Variants in CTNNA3 observed in about 807,000 individuals in gnomAD.
CTNNA3 encodes the protein catenin alpha 3.
Under a neutral mutation model 95.7 loss-of-function variants are expected in CTNNA3, and 76 were observed. That is an observed-to-expected ratio of 0.79 (90% CI 0.66 to 0.96). The LOEUF is 0.96. Ranked by LOEUF, CTNNA3 falls within the 40% of genes least tolerant of loss-of-function variation. CTNNA3 has a pLI of 0.00. For synonymous variants in CTNNA3, 431 were observed against 374.4 expected, an observed-to-expected ratio of 1.15 and a Z score of -1.74; for missense variants, 1,191 against 1,089.8, an observed-to-expected ratio of 1.09 and a Z score of -1.31.
intron 5 of CTNNA3, among the ~76,000 whole-genome samples, chr10:67,441,798 C>T (rs1008912090): frequency 6.6e-6 from 1 of 151,952 alleles, no homozygotes; most frequent in Admixed American, 6.6e-5. Context: ...ACAAGAAATA[C>T]TAAAGGGATC....
At chr10:67,205,975 A>C (rs1229438239) in intron 6 of CTNNA3, among the ~76,000 whole-genome samples, 2 of 152,186 alleles carry the variant, frequency 1.3e-5, no homozygotes, top group Non-Finnish European at 2.9e-5. Context: ...GAACCTGGAA[A>C]CCATCTCTTT....
chr10:66,621,606 A>G (rs1033375755), intron 10 of CTNNA3, 86 bp downstream of exon 10: 25 of 740,776 alleles, frequency 3.4e-5, no homozygotes, highest in African/African-American at 1.2e-4. Context: ...AAAAAAAAAG[A>G]AAAAAAAATA....
chr10:66,939,308 T>A (rs1037115968), intron 7 of CTNNA3, among the ~76,000 whole-genome samples: 2 of 152,170 alleles, frequency 1.3e-5, no homozygotes, highest in Admixed American at 6.6e-5. Flanking sequence ...TTTCTTTTTC[T>A]CTTTCTCATC....
intron 5 of CTNNA3, among the ~76,000 whole-genome samples, chr10:67,226,716 T>C (rs1162454006): frequency 6.6e-6 from 1 of 152,172 alleles, no homozygotes; most frequent in Non-Finnish European, 1.5e-5. Flanking sequence ...CAACAACTGC[T>C]AATAAGAAGC....
At chr10:66,125,206 C>A (rs1006561128) in intron 13 of CTNNA3, among the ~76,000 whole-genome samples, 2 of 151,998 alleles carry the variant, frequency 1.3e-5, no homozygotes, top group Admixed American at 6.6e-5. Flanking sequence ...AAAATTAAAT[C>A]TTTTTTTCTT....
chr10:66,896,261 A>G (rs890115797), intron 7 of CTNNA3, among the ~76,000 whole-genome samples: 1 of 152,184 alleles, frequency 6.6e-6, no homozygotes, highest in East Asian at 1.9e-4. Context: ...ACAACTGAAT[A>G]TATCCTTCCT....
At chr10:67,704,733 T>C (rs2133606326) in intron 1 of CTNNA3, among the ~76,000 whole-genome samples, 1 of 152,126 alleles carries the variant, frequency 6.6e-6, no homozygotes, top group Admixed American at 6.5e-5. Context: ...ACTTCATGTC[T>C]AAAACACCAA....
At chr10:67,013,197 T>C (rs1438501722) in intron 7 of CTNNA3, among the ~76,000 whole-genome samples, 1 of 151,490 alleles carries the variant, frequency 6.6e-6, no homozygotes, top group Non-Finnish European at 1.5e-5. Context: ...CTGACTCAAA[T>C]TCAGATCTGT....
At chr10:67,197,950 T>C (rs1863454000) in intron 6 of CTNNA3, among the ~76,000 whole-genome samples, 1 of 152,138 alleles carries the variant, frequency 6.6e-6, no homozygotes, top group Non-Finnish European at 1.5e-5. Context: ...GAAACTGTAT[T>C]GACTCTAAAG....
upstream of CTNNA3, among the ~76,000 whole-genome samples, chr10:67,700,038 G>T (rs925667337): frequency 2.0e-5 from 3 of 152,262 alleles, no homozygotes; most frequent in African/African-American, 4.8e-5. Context: ...AGCAGTCTGA[G>T]ATCAAACTGC....
chr10:66,867,173 A>C (rs1278924050), intron 7 of CTNNA3, among the ~76,000 whole-genome samples: 3 of 151,964 alleles, frequency 2.0e-5, no homozygotes, highest in Admixed American at 6.6e-5. Context: ...CAGCAGTGTG[A>C]AAACAGAATA....
At chr10:67,726,480 A>C (rs1300548037) in intron 1 of CTNNA3, among the ~76,000 whole-genome samples, 1 of 68,274 alleles carries the variant, frequency 1.5e-5, no homozygotes, top group Non-Finnish European at 2.4e-5. Flanking sequence ...AATATTATAT[A>C]TTATATCATA....
At chr10:67,202,974 A>G (rs1589858013) in intron 6 of CTNNA3, among the ~76,000 whole-genome samples, 1 of 152,306 alleles carries the variant, frequency 6.6e-6, no homozygotes, top group Middle Eastern at 3.4e-3. Context: ...TTTAGTTTAC[A>G]TACCATGTAT....
chr10:66,182,521 C>T (rs2086105245), intron 13 of CTNNA3, among the ~76,000 whole-genome samples: 1 of 152,056 alleles, frequency 6.6e-6, no homozygotes, highest in South Asian at 2.1e-4. Flanking sequence ...TCCCAAAGTG[C>T]TGGGATTACA....
intron 13 of CTNNA3, among the ~76,000 whole-genome samples, chr10:66,198,610 T>C (rs1365603601): frequency 1.3e-5 from 2 of 152,122 alleles, no homozygotes; most frequent in Non-Finnish European, 2.9e-5. Context: ...ATAAAAAATT[T>C]ACCATATTTA....
chr10:67,245,294 T>C (rs1865863501), intron 5 of CTNNA3, among the ~76,000 whole-genome samples: 1 of 152,184 alleles, frequency 6.6e-6, no homozygotes, highest in Admixed American at 6.5e-5. Flanking sequence ...GTCTAAAAGT[T>C]CAATCAACAA....
chr10:66,248,041 G>T (rs911833911), intron 13 of CTNNA3, among the ~76,000 whole-genome samples: 1 of 151,932 alleles, frequency 6.6e-6, no homozygotes, highest in Non-Finnish European at 1.5e-5. Context: ...AATAATAAAG[G>T]ATTACATCTT....
chr10:66,641,633 A>G (rs1227178824), intron 9 of CTNNA3, among the ~76,000 whole-genome samples: 1 of 152,176 alleles, frequency 6.6e-6, no homozygotes. Flanking sequence ...CATATTTAAT[A>G]TGTGCTTACT....
At chr10:67,507,273 T>C (rs968727317) in intron 5 of CTNNA3, among the ~76,000 whole-genome samples, 3 of 152,212 alleles carry the variant, frequency 2.0e-5, no homozygotes, top group Admixed American at 6.5e-5. Context: ...CTCACGCCTG[T>C]AATCCCAGCA....
Sources: allele counts gnomAD v4.1 joint callset (sites outside exome capture counted in the v4.1 genomes callset), GRCh38; gene constraint gnomAD v4.1.1; transcripts MANE v1.5; gene names NCBI Gene and HGNC (gene_info 2026-07-23, HGNC 2026-07-21).